TMEM164: variants seen among roughly 807,000 people sequenced by gnomAD.
TMEM164 encodes transmembrane protein 164, also known as RP13-360B22.2.
Under a neutral mutation model 18.8 loss-of-function variants are expected in TMEM164, and 4 were observed. That is an observed-to-expected ratio of 0.21 (90% CI 0.10 to 0.49). The LOEUF (loss-of-function observed/expected upper bound fraction) is 0.49. TMEM164 is among the 20% of genes least tolerant of loss of function. The pLI is 0.98. For synonymous variants in TMEM164, 86 were observed against 101.7 expected, an observed-to-expected ratio of 0.85 and a Z score of 0.93; for missense variants, 108 against 239.9, an observed-to-expected ratio of 0.45 and a Z score of 3.63.
At chrX:110,010,209 T>C (rs1032949618) in intron 2 of TMEM164, among the ~76,000 whole-genome samples, 13 of 112,384 alleles carry the variant, frequency 1.2e-4, no homozygotes, top group African/African-American at 4.2e-4. Context: ...GCCAACTTTC[T>C]TGCTTCTTAA....
chrX:110,108,676 A>G (rs1043749265), intron 3 of TMEM164, among the ~76,000 whole-genome samples: 2 of 112,040 alleles, frequency 1.8e-5, no homozygotes, highest in African/African-American at 6.5e-5. Flanking sequence ...ATAAGCAGCC[A>G]TGTTATAATA....
rs142813791 is a variant in TMEM164 at position 110,006,052 on chromosome X, G to A, written c.390+1888G>A. 1.7e-3 allele frequency among the ~76,000 whole-genome samples: 194 copies of A among 111,667 alleles called. 1 individual carries two copies. Among genetic ancestry groups the A allele is most frequent in the Non-Finnish European group, 3.0e-3 (161 of 53,099 alleles). ...TAGTGCTAGCATTAATTCATTGTAT[G>A]ACTTTGGAGAAAGTACTCTTCCTGG... On this transcript the variant is annotated intron_variant, in intron 2 of 6. Transcript: ENST00000372068.
At chrX:110,101,580 A>T (rs372080303) in intron 3 of TMEM164, among the ~76,000 whole-genome samples, 17 of 90,787 alleles carry the variant, frequency 1.9e-4, no homozygotes, top group African/African-American at 5.9e-4. Flanking sequence ...GGTTTTATTG[A>T]TTTTTTTTTT....
chrX:110,020,590 A>C lies in TMEM164; in HGVS notation c.390+16426A>C, dbSNP rs954569363. On this transcript the variant is annotated intron_variant, in intron 2 of 6. Transcript: ENST00000372068. ...TGGAATGAGATCCAGGAGAGGAAGG[A>C]GTTTCAGAAGGCAGGAGCTGGTCCT... 1.2e-5 allele frequency: 9 copies of C among 752,628 alleles called. No individual in the cohort carries two copies. The East Asian group carries it at 1.1e-3, about 89-fold the overall frequency. The allele number at this position is 752,628 out of a possible 1,213,427, so 62.0% of individuals were successfully genotyped here.
intron 3 of TMEM164, among the ~76,000 whole-genome samples, chrX:110,098,264 G>C (rs1000000065): frequency 1.8e-5 from 2 of 111,415 alleles, no homozygotes; most frequent in Admixed American, 1.9e-4. Flanking sequence ...TTTCTGAGTG[G>C]TTTTCCATGG....
At chrX:110,004,713 G>T (rs1932575332) in intron 2 of TMEM164, among the ~76,000 whole-genome samples, 1 of 112,354 alleles carries the variant, frequency 8.9e-6, no homozygotes, top group Admixed American at 9.4e-5. Flanking sequence ...GCATTTTGAG[G>T]CATTGGAGCA....
At chrX:110,149,498 A>G (rs762357739) in intron 5 of TMEM164, among the ~76,000 whole-genome samples, 1 of 111,891 alleles carries the variant, frequency 8.9e-6, no homozygotes, top group South Asian at 3.8e-4. Context: ...CGGGGCTTCC[A>G]AAGTTCCTCC....
intron 3 of TMEM164, among the ~76,000 whole-genome samples, chrX:110,088,209 C>T (rs2065880515): frequency 8.9e-6 from 1 of 112,046 alleles, no homozygotes; most frequent in Admixed American, 9.5e-5. Context: ...TCAGTTTGAA[C>T]CTGTTGAGTT....
intron 2 of TMEM164, among the ~76,000 whole-genome samples, chrX:110,066,499 T>C (rs1376232512): frequency 8.9e-6 from 1 of 112,614 alleles, no homozygotes; most frequent in African/African-American, 3.2e-5. Flanking sequence ...GGGACATTTG[T>C]GAAACATGAG....
chrX:110,116,847 T>TGTGCGC (rs1384126516), intron 4 of TMEM164, among the ~76,000 whole-genome samples: 13 of 104,455 alleles, frequency 1.2e-4, no homozygotes, highest in Admixed American at 2.1e-4. Flanking sequence ...TGTGTGTGTG[T>TGTGCGC]GTGTGCGCGT....
At chrX:110,091,993 A>T (rs1171624259) in intron 3 of TMEM164, among the ~76,000 whole-genome samples, 1 of 111,576 alleles carries the variant, frequency 9.0e-6, no homozygotes, top group Non-Finnish European at 1.9e-5. Context: ...TGTTTTTGTC[A>T]GGTTTGTCAG....
chrX:110,075,943 G>A (rs191277842), intron 3 of TMEM164, among the ~76,000 whole-genome samples: 189 of 109,100 alleles, frequency 1.7e-3, no homozygotes, highest in Non-Finnish European at 1.8e-3. Flanking sequence ...GTCTTTGACA[G>A]ATTTTGTTAT....
intron 5 of TMEM164, among the ~76,000 whole-genome samples, chrX:110,157,637 G>A (rs2067035261): frequency 1.8e-5 from 2 of 111,424 alleles, no homozygotes; most frequent in South Asian, 7.5e-4. Context: ...GATTGAGAAG[G>A]GTAATGACAA....
chrX:110,072,018 T>C (rs2065599573), intron 3 of TMEM164, among the ~76,000 whole-genome samples: 1 of 110,624 alleles, frequency 9.0e-6, no homozygotes, highest in African/African-American at 3.3e-5. Context: ...TTATGTATCC[T>C]GGCTGGGCGT....
At chrX:110,055,422 T>A in intron 2 of TMEM164, 1 of 232,864 alleles carries the variant, frequency 4.3e-6, no homozygotes, top group South Asian at 5.0e-5. Flanking sequence ...GTGCACAACC[T>A]ACACAACTGT....
At chrX:110,119,710 C>T (rs757961969) in intron 4 of TMEM164, among the ~76,000 whole-genome samples, 6 of 111,109 alleles carry the variant, frequency 5.4e-5, no homozygotes, top group Non-Finnish European at 1.1e-4. Flanking sequence ...CTTGGTTGAA[C>T]GGAGATGATG....
chrX:110,083,926 A>T (rs1341652395), intron 3 of TMEM164, among the ~76,000 whole-genome samples: 1 of 111,451 alleles, frequency 9.0e-6, no homozygotes, highest in Non-Finnish European at 1.9e-5. Flanking sequence ...ACCAGCTCCC[A>T]TATGATAACT....
intron 5 of TMEM164, among the ~76,000 whole-genome samples, chrX:110,154,513 G>T (rs2066989320): frequency 9.0e-6 from 1 of 110,817 alleles, no homozygotes. Context: ...TCTGCTTCTC[G>T]GGTTCAATCA....
chrX:110,040,715 C>T (rs993687374), intron 2 of TMEM164, among the ~76,000 whole-genome samples: 7 of 111,581 alleles, frequency 6.3e-5, no homozygotes, highest in African/African-American at 2.3e-4. Flanking sequence ...TCCCTTTGCT[C>T]AGCCACCCTC....
Sources: gnomAD v4.1 joint callset for allele counts (sites outside exome capture counted in the v4.1 genomes callset) on GRCh38, gnomAD v4.1.1 for gene constraint, MANE v1.5 for transcripts, NCBI Gene and HGNC (gene_info 2026-07-23, HGNC 2026-07-21) for gene names.